The following FAM177B variants were observed in gnomAD, a reference collection of about 807,000 sequenced individuals.
FAM177B encodes the protein protein FAM177B.
FAM177B carries 16 observed loss-of-function variants against 16.1 expected under a neutral mutation model. That is an observed-to-expected ratio of 0.99 (90% confidence interval 0.67 to 1.51). The LOEUF is 1.51. Among genes scored for constraint, FAM177B ranks in the 40% most tolerant of loss-of-function variants. The probability of loss-of-function intolerance (pLI) is 0.00; values close to 1 mark genes in which losing one functional copy is unlikely to be tolerated. For missense variants in FAM177B, 178 were observed against 183.7 expected, an observed-to-expected ratio of 0.97 and a Z score of 0.18; for synonymous variants, 56 against 59.9, an observed-to-expected ratio of 0.93 and a Z score of 0.30.
At chr1:222,746,177 C>A (rs1378528656) in intron 2 of FAM177B, among the ~76,000 whole-genome samples, 1 of 152,186 alleles carries the variant, frequency 6.6e-6, no homozygotes, top group Non-Finnish European at 1.5e-5. Flanking sequence ...TGTGTGAAGT[C>A]TGTACTCTTA....
Position 222,749,992 on chromosome 1 carries a change from C to T in FAM177B, c.411C>T (p.His137=). The change falls in exon 6 of 6, where the codon CAC becomes CAT. Residue 137 remains histidine, a synonymous_variant. Transcript: ENST00000445590. ...QAAEVPNEKC[H]LEAGVQEYGT... is the part of the protein sequence containing the mutation. ...CTGAGGTTCCTAATGAAAAGTGTCA[C>T]TTGGAGGCTGGGGTCCAAGAGTATG... 6.2e-7 allele frequency: 1 copy of T among 1,613,984 alleles called. No homozygotes were observed.
chr1:222,739,930 T>C (rs1385994327), intron 2 of FAM177B: 1 of 152,264 alleles, frequency 6.6e-6, no homozygotes, highest in East Asian at 1.9e-4. Context: ...AATAGTATTA[T>C]GCTTAACATA....
chr1:222,749,151 AC>A (rs1253195041), intron 4 of FAM177B: 1 of 450,214 alleles, frequency 2.2e-6, no homozygotes, highest in Non-Finnish European at 4.5e-6. Context: ...AATGAACAAT[AC>A]CTGTTCTGAT....
chr1:222,746,472 C>T, intron 2 of FAM177B, 59 bp from the exon 3 acceptor site: 1 of 919,236 alleles, frequency 1.1e-6, no homozygotes, highest in Non-Finnish European at 1.7e-6. Context: ...TTGAAAATAA[C>T]TAGATAACTC....
intron 2 of FAM177B, chr1:222,739,620 T>C (rs1658436538): frequency 2.0e-5 from 3 of 152,196 alleles, no homozygotes; most frequent in African/African-American, 4.8e-5. Flanking sequence ...TGTATAAATA[T>C]AGACCTTCCC....
chr1:222,741,928 CTCTTTCTT>C lies in FAM177B; in HGVS notation c.-16+3926_-16+3933del, dbSNP rs1205750338. On this transcript the variant is annotated intron_variant, in intron 2 of 5. Coordinates refer to ENST00000445590, the MANE Select transcript of FAM177B (RefSeq NM_001394345.1). ...TCCCTCTCTCTCTCTCTCTCTCTCT[CTCTTTCTT>C]TCTTTCTTTCTTTCTTTCCTTCCTT... Among the ~76,000 whole-genome samples, 198 of 84,722 alleles carry C rather than the reference CTCTTTCTT, an allele frequency of 2.3e-3. 3 individuals are homozygous for C. The highest frequency in any genetic ancestry group is 0.012 in the African/African-American group (187 of 16,048). 55.6% of individuals were successfully genotyped at this position (84,722 alleles called of 152,430 possible).
At chr1:222,740,567 T>C (rs558797693) in intron 2 of FAM177B, among the ~76,000 whole-genome samples, 175 of 152,330 alleles carry the variant, frequency 1.1e-3, no homozygotes, top group Admixed American at 2.4e-3. Context: ...TATGCATACT[T>C]CACAACGTAT....
intron 4 of FAM177B, chr1:222,749,250 T>C: frequency 1.9e-6 from 1 of 517,666 alleles, no homozygotes; most frequent in Admixed American, 3.5e-5. Flanking sequence ...TTATATATAA[T>C]CCCATATAAA....
intron 4 of FAM177B, among the ~76,000 whole-genome samples, chr1:222,747,917 G>C (rs1658872252): frequency 6.6e-6 from 1 of 152,178 alleles, no homozygotes; most frequent in South Asian, 2.1e-4. Flanking sequence ...ATAATTTGTT[G>C]TCACAGTTGC....
At chr1:222,740,460 C>G (rs907834765) in intron 2 of FAM177B, among the ~76,000 whole-genome samples, 2 of 152,106 alleles carry the variant, frequency 1.3e-5, no homozygotes, top group Non-Finnish European at 2.9e-5. Flanking sequence ...CTCTTGCCTT[C>G]TTTCACAGTG....
At chr1:222,743,386 G>A (rs958285749) in intron 2 of FAM177B, among the ~76,000 whole-genome samples, 1 of 151,670 alleles carries the variant, frequency 6.6e-6, no homozygotes, top group African/African-American at 2.4e-5. Context: ...TGGAACTCCT[G>A]ACCTCATGCG....
At chr1:222,739,556 A>G (rs755478343) in intron 2 of FAM177B, 3 of 152,190 alleles carry the variant, frequency 2.0e-5, no homozygotes, top group Non-Finnish European at 4.4e-5. Flanking sequence ...AGACCCCCAG[A>G]TGATTCTCAT....
intron 5 of FAM177B, 111 bp from the exon 6 acceptor site, chr1:222,749,810 G>C (rs540847089): frequency 1.7e-6 from 2 of 1,168,382 alleles, no homozygotes; most frequent in African/African-American, 1.5e-5. Context: ...GGGTGAGAAG[G>C]CTCAGATTGC....
In FAM177B at chr1:222,750,247, T is replaced by TCAACCCA; in HGVS notation, c.*189_*190insCAACCCA. 7.2e-7 allele frequency: 1 copy of TCAACCCA among 1,391,540 alleles called. No homozygotes were observed. 86.2% of individuals were successfully genotyped at this position (1,391,540 alleles called of 1,614,324 possible). A position where few individuals can be genotyped will look rare whatever the true frequency, so the allele number is the denominator to read the frequency against. ...TCAAGCATCCAGGAATTACAAGCAATAATGAGAGTAATTTTGGACACTTTC... is the reference window on the plus strand; with the variant it reads ...TCAAGCATCCAGGAATTACAAGCAATCAACCCAAATGAGAGTAATTTTGGACACTTTC... On this transcript the variant is annotated 3_prime_UTR_variant, in exon 6 of 6. Coordinates refer to ENST00000445590, the MANE Select transcript of FAM177B (RefSeq NM_001394345.1).
chr1:222,742,057 CAACCTCTGT>C (rs1658577810), intron 2 of FAM177B, among the ~76,000 whole-genome samples: 1 of 151,638 alleles, frequency 6.6e-6, no homozygotes, highest in Non-Finnish European at 1.5e-5. Context: ...CCTCTCACCT[CAACCTCTGT>C]AACTGCTAGG....
chr1:222,745,522 C>T (rs946759125), intron 2 of FAM177B, among the ~76,000 whole-genome samples: 5 of 152,124 alleles, frequency 3.3e-5, no homozygotes, highest in Admixed American at 2.6e-4. Flanking sequence ...GTGGTTGAGG[C>T]GGGAAGATTG....
chr1:222,748,777 C>T lies in FAM177B; in HGVS notation c.242-688C>T, dbSNP rs553058014. 4.6e-5 allele frequency among the ~76,000 whole-genome samples: 7 copies of T among 152,194 alleles called. No individual in the cohort carries two copies. In the South Asian group the frequency reaches 1.0e-3, roughly 23 times the overall value. The stretch of plus-strand genomic sequence containing the variant: ...ATTTAAAAACAGCATCATTTTGATG[C>T]CCTATATGAGCAATATCCCAAGAGG... On this transcript the variant is annotated intron_variant, in intron 4 of 5. Coordinates refer to ENST00000445590, the MANE Select transcript of FAM177B (RefSeq NM_001394345.1).
intron 2 of FAM177B, among the ~76,000 whole-genome samples, 155 bp downstream of exon 2, chr1:222,738,176 GTC>G (rs1296621583): frequency 6.6e-6 from 1 of 152,110 alleles, no homozygotes; most frequent in African/African-American, 2.4e-5. Flanking sequence ...CAGGGAAAAA[GTC>G]TGACCTGGAG....
intron 2 of FAM177B, among the ~76,000 whole-genome samples, chr1:222,742,073 T>C (rs557023628): frequency 5.7e-4 from 86 of 151,922 alleles, no homozygotes; most frequent in Non-Finnish European, 1.0e-3. Context: ...CTGTAACTGC[T>C]AGGATTATAG....
Sources: gnomAD v4.1 joint callset for allele counts (sites outside exome capture counted in the v4.1 genomes callset) on GRCh38, gnomAD v4.1.1 for gene constraint, MANE v1.5 for transcripts, NCBI Gene and HGNC (gene_info 2026-07-23, HGNC 2026-07-21) for gene names.